The following PARM1 variants were observed in gnomAD, a reference collection of about 807,000 sequenced individuals.
The protein encoded by PARM1 is WSC4, cell wall integrity and stress response component 4 homolog.
Under a neutral mutation model 24.6 loss-of-function variants are expected in PARM1, and 14 were observed. That is an observed-to-expected ratio of 0.57 (90% confidence interval 0.38 to 0.89). PARM1 has a LOEUF of 0.89. Ranked by LOEUF, PARM1 falls within the 40% of genes least tolerant of loss-of-function variation. The pLI, the probability that PARM1 is intolerant of heterozygous loss-of-function variation, is 0.00. For missense variants in PARM1, 362 were observed against 380.4 expected, an observed-to-expected ratio of 0.95 and a Z score of 0.40; for synonymous variants, 179 against 156.6, an observed-to-expected ratio of 1.14 and a Z score of -1.07.
Position 75,047,098 on chromosome 4 carries a change from C to G in PARM1, c.*851C>G, listed in dbSNP as rs1479091428. The G allele has an allele frequency of 6.6e-6, 1 of 152,578 alleles. No homozygotes were observed. Among genetic ancestry groups the G allele is most frequent in the Non-Finnish European group, 1.5e-5 (1 of 68,396 alleles). The allele number at this position is 152,578 out of a possible 1,614,324, so 9.5% of individuals were successfully genotyped here. A position where few individuals can be genotyped will look rare whatever the true frequency, so the allele number is the denominator to read the frequency against. ...TGTGGGGAAGTGGAAGAGAAGCTGG[C>G]GGGGGAGAAGGAGGCTAACCTGCAC... On this transcript the variant is annotated 3_prime_UTR_variant, in exon 4 of 4. Coordinates refer to ENST00000307428, the MANE Select transcript of PARM1 (RefSeq NM_015393.4).
At chr4:75,003,879 TTCTC>T (rs140563593) in intron 1 of PARM1, among the ~76,000 whole-genome samples, 7 of 150,156 alleles carry the variant, frequency 4.7e-5, no homozygotes, top group African/African-American at 1.2e-4. Flanking sequence ...CATTTTAACA[TTCTC>T]TCTCTCTCTC....
At chr4:74,966,180 G>A (rs76886900) in intron 1 of PARM1, among the ~76,000 whole-genome samples, 2,792 of 152,226 alleles carry the variant, frequency 0.018, 58 homozygotes, top group African/African-American at 0.05. Context: ...AGTGGTTGTC[G>A]CCAAAGTGCC....
At chr4:75,007,440 CTG>C (rs1722793205) in intron 1 of PARM1, among the ~76,000 whole-genome samples, 1 of 152,176 alleles carries the variant, frequency 6.6e-6, no homozygotes, top group Admixed American at 6.5e-5. Context: ...AGTTCTGACT[CTG>C]TTGCTGCACA....
chr4:74,939,160 TAC>T (rs1721251762), intron 1 of PARM1, among the ~76,000 whole-genome samples: 1 of 152,210 alleles, frequency 6.6e-6, no homozygotes, highest in South Asian at 2.1e-4. Context: ...AGTTCATTTA[TAC>T]AGTGACTTTG....
intron 1 of PARM1, chr4:74,957,064 C>G (rs1461066129): frequency 6.6e-6 from 1 of 152,200 alleles, no homozygotes; most frequent in Non-Finnish European, 1.5e-5. Context: ...TGAATTACAT[C>G]TCTGCCATAT....
chr4:74,957,788 T>G (rs377258482), intron 1 of PARM1, among the ~76,000 whole-genome samples: 2 of 152,150 alleles, frequency 1.3e-5, no homozygotes, highest in African/African-American at 4.8e-5. Context: ...CACCAAGACC[T>G]TTGTGAACAA....
At chr4:75,029,401 G>A (rs896853573) in intron 2 of PARM1, among the ~76,000 whole-genome samples, 1 of 151,934 alleles carries the variant, frequency 6.6e-6, no homozygotes, top group African/African-American at 2.4e-5. Context: ...TGTGTCATGG[G>A]AGGGACCCAG....
Position 75,049,891 on chromosome 4 carries a change from T to G in PARM1, c.*3644T>G, listed in dbSNP as rs1279930212. On this transcript the variant is annotated 3_prime_UTR_variant, in exon 4 of 4. Coordinates refer to ENST00000307428, the MANE Select transcript of PARM1 (RefSeq NM_015393.4). Reference sequence around the variant, plus strand: ...CTTTTTTTTTTTTTTGGCAAATGAATGTACCATTTCAACTTTGATTTTAAT... The same window carrying G: ...CTTTTTTTTTTTTTTGGCAAATGAAGGTACCATTTCAACTTTGATTTTAAT... 4 of 145,060 alleles carry G rather than the reference T, an allele frequency of 2.8e-5. No homozygotes were observed. The Admixed American group carries it at 2.8e-4, about 10-fold the overall frequency. The allele number at this position is 145,060 out of a possible 1,614,324, so 9.0% of individuals were successfully genotyped here.
chr4:74,951,626 C>G (rs1721524942), intron 1 of PARM1, among the ~76,000 whole-genome samples: 1 of 152,110 alleles, frequency 6.6e-6, no homozygotes. Flanking sequence ...ATGATGTTCC[C>G]CTCTCTGTGT....
intron 3 of PARM1, 135 bp from the exon 4 acceptor site, chr4:75,046,028 C>A: frequency 1.7e-6 from 1 of 599,618 alleles, no homozygotes; most frequent in South Asian, 2.1e-5. Context: ...GGTGGGTCTG[C>A]TGTCCTAGTG....
At chr4:75,023,116 C>T (rs2109802265) in intron 2 of PARM1, among the ~76,000 whole-genome samples, 1 of 152,238 alleles carries the variant, frequency 6.6e-6, no homozygotes, top group Non-Finnish European at 1.5e-5. Context: ...TGGATGTGGG[C>T]CATCAAAAAC....
chr4:75,048,717 G>T lies in PARM1; in HGVS notation c.*2470G>T, dbSNP rs1332708822. 6.6e-6 allele frequency: 1 copy of T among 152,506 alleles called. No homozygotes were observed. Among genetic ancestry groups the T allele is most frequent in the Non-Finnish European group, 1.5e-5 (1 of 68,020 alleles). 9.4% of individuals were successfully genotyped at this position (152,506 alleles called of 1,614,324 possible). ...TGCTATTGTGCAAGGGCACATAATG[G>T]GTCTGTTGCTCTTATTGGCTTCCAA... is the stretch of plus-strand genomic sequence containing the variant. On this transcript the variant is annotated 3_prime_UTR_variant, in exon 4 of 4. Transcript: ENST00000307428.
chr4:74,985,469 C>G (rs1325541155), intron 1 of PARM1, among the ~76,000 whole-genome samples: 2 of 152,172 alleles, frequency 1.3e-5, no homozygotes, highest in African/African-American at 4.8e-5. Context: ...TTATCACAAT[C>G]CTGAGAAGAA....
intron 1 of PARM1, among the ~76,000 whole-genome samples, chr4:74,957,819 G>A (rs1233871148): frequency 6.6e-6 from 1 of 152,094 alleles, no homozygotes; most frequent in Non-Finnish European, 1.5e-5. Context: ...CCTTCCTTAA[G>A]CAGCTTCAGG....
intron 2 of PARM1, among the ~76,000 whole-genome samples, chr4:75,033,361 G>A (rs1457513993): frequency 6.6e-6 from 1 of 151,984 alleles, no homozygotes; most frequent in Non-Finnish European, 1.5e-5. Flanking sequence ...CTACCAAGAC[G>A]ACCCTTTTGA....
chr4:74,937,927 A>G (rs142855806), intron 1 of PARM1, among the ~76,000 whole-genome samples: 1 of 152,348 alleles, frequency 6.6e-6, no homozygotes, highest in African/African-American at 2.4e-5. Context: ...AATGCTCAGT[A>G]ACAAATAGAT....
intron 2 of PARM1, among the ~76,000 whole-genome samples, chr4:75,028,622 C>A (rs1723223783): frequency 6.6e-6 from 1 of 152,214 alleles, no homozygotes. Context: ...CACGCACCTT[C>A]TAAATAAGCT....
chr4:74,955,194 C>G (rs1276679287), intron 1 of PARM1, among the ~76,000 whole-genome samples: 3 of 151,110 alleles, frequency 2.0e-5, no homozygotes, highest in Admixed American at 6.6e-5. Context: ...AATAACTAAG[C>G]TTACTCTATA....
intron 3 of PARM1, among the ~76,000 whole-genome samples, chr4:75,041,878 A>G (rs761301568): frequency 6.6e-6 from 1 of 152,186 alleles, no homozygotes; most frequent in Non-Finnish European, 1.5e-5. Flanking sequence ...ACTGCACCAT[A>G]TGATACAGTA....
Sources: allele counts gnomAD v4.1 joint callset (sites outside exome capture counted in the v4.1 genomes callset), GRCh38; gene constraint gnomAD v4.1.1; transcripts MANE v1.5; gene names NCBI Gene and HGNC (gene_info 2026-07-23, HGNC 2026-07-21).